The following ARHGAP8 variants were observed in gnomAD, a reference collection of about 807,000 sequenced individuals.
ARHGAP8 encodes rho GTPase-activating protein 8.
In ARHGAP8, 62 loss-of-function variants were observed where a neutral mutation model predicts 46.1. The observed-to-expected ratio is 1.34, with a 90% CI of 1.10 to 1.66. The LOEUF is 1.66. Among genes scored for constraint, ARHGAP8 ranks in the 40% most tolerant of loss-of-function variants. The pLI is 0.00. For missense variants in ARHGAP8, 923 were observed against 568.4 expected (o/e 1.62, Z -6.34); for synonymous variants, 375 against 243.1 (o/e 1.54, Z -5.05).
In ARHGAP8 at chr22:44,859,813, C is replaced by T. The variant is rs140715563; in HGVS notation, c.960C>T (p.Tyr320=). The change falls in exon 11 of 12, where the codon TAC becomes TAT. Residue 320 remains tyrosine (Y), a synonymous_variant. Coordinates refer to ENST00000356099, the MANE Select transcript of ARHGAP8 (RefSeq NM_181335.3). ...LPEHNYVVLR[Y]LMGFLHAVSR... is the part of the protein sequence containing the mutation. Reference sequence around the variant, plus strand: ...AGCACAACTACGTCGTCCTCCGCTACCTCATGGGCTTCCTGCATGCGGTGA... The same window carrying T: ...AGCACAACTACGTCGTCCTCCGCTATCTCATGGGCTTCCTGCATGCGGTGA... 69 of 1,613,994 alleles carry T rather than the reference C, an allele frequency of 4.3e-5. 1 individual carries two copies. The African/African-American group carries it at 6.7e-4, about 16-fold the overall frequency.
chr22:44,859,967 T>TG (rs1569187198), intron 11 of ARHGAP8, 133 bp downstream of exon 11: 7 of 1,092,874 alleles, frequency 6.4e-6, no homozygotes, highest in Non-Finnish European at 7.7e-6. Context: ...TACCACTCCC[T>TG]GCCCCCCAAG....
chr22:44,783,178 A>C lies in ARHGAP8; in HGVS notation c.-71-3279A>C, dbSNP rs372104913. ...GCTGGTCTCGAACTCCTGACCTTGCATGAAGCCCAAGTCCTCCCCACGTTC... is the reference window on the plus strand; with the variant it reads ...GCTGGTCTCGAACTCCTGACCTTGCCTGAAGCCCAAGTCCTCCCCACGTTC... On this transcript the variant is annotated intron_variant, in intron 1 of 11. Coordinates refer to ENST00000356099, the MANE Select transcript of ARHGAP8 (RefSeq NM_181335.3). 2.6e-5 allele frequency among the ~76,000 whole-genome samples: 4 copies of C among 151,966 alleles called. No homozygotes were observed. In the East Asian group the frequency reaches 7.8e-4, roughly 30 times the overall value.
At chr22:44,790,416 C>T (rs914284081) in intron 2 of ARHGAP8, among the ~76,000 whole-genome samples, 2 of 152,062 alleles carry the variant, frequency 1.3e-5, no homozygotes. Flanking sequence ...TGGTTCATGC[C>T]TGTAATCCCA....
chr22:44,841,690 C>G (rs2285122), intron 7 of ARHGAP8, among the ~76,000 whole-genome samples: 12,116 of 152,282 alleles, frequency 0.08, 722 homozygotes, highest in East Asian at 0.28. Flanking sequence ...CTCCATGTAC[C>G]TGCATTTTGG....
chr22:44,858,344 G>T (rs1358049814), intron 10 of ARHGAP8, among the ~76,000 whole-genome samples: 1 of 149,520 alleles, frequency 6.7e-6, no homozygotes, highest in Non-Finnish European at 1.5e-5. Flanking sequence ...GCGGGAACTT[G>T]GTGAATACTT....
intron 2 of ARHGAP8, among the ~76,000 whole-genome samples, chr22:44,795,150 TCA>T (rs1295298570): frequency 6.6e-6 from 1 of 152,070 alleles, no homozygotes; most frequent in African/African-American, 2.4e-5. Context: ...CAGCTCACTC[TCA>T]GAGTTCAGTA....
At chr22:44,814,856 C>A (rs968067450) in intron 5 of ARHGAP8, 98 bp downstream of exon 5, 4 of 1,398,916 alleles carry the variant, frequency 2.9e-6, no homozygotes, top group South Asian at 1.3e-5. Context: ...ATGGAGGGCC[C>A]GTCTCCAGGG....
intron 5 of ARHGAP8, among the ~76,000 whole-genome samples, chr22:44,822,092 C>T (rs1930192941): frequency 6.6e-6 from 1 of 152,192 alleles, no homozygotes; most frequent in Admixed American, 6.5e-5. Context: ...CTCCTATATG[C>T]AAATTCAGGG....
At chr22:44,811,856 G>T (rs1424895280) in intron 4 of ARHGAP8, among the ~76,000 whole-genome samples, 2 of 152,022 alleles carry the variant, frequency 1.3e-5, no homozygotes, top group Admixed American at 6.6e-5. Flanking sequence ...AATTAGCCAG[G>T]CGTGGTGGTG....
chr22:44,858,533 C>CATTT (rs2070310337), intron 10 of ARHGAP8, among the ~76,000 whole-genome samples: 1 of 89,784 alleles, frequency 1.1e-5, no homozygotes, highest in African/African-American at 4.6e-5. Context: ...CCATACCCGG[C>CATTT]TTTTTTTTTT....
intron 4 of ARHGAP8, among the ~76,000 whole-genome samples, chr22:44,814,120 A>G (rs530549160): frequency 1.3e-5 from 2 of 152,344 alleles, no homozygotes; most frequent in African/African-American, 4.8e-5. Flanking sequence ...TTGGGCTGAA[A>G]TATTCAAGAA....
chr22:44,857,976 C>T (rs1228438004), intron 10 of ARHGAP8, among the ~76,000 whole-genome samples: 5 of 152,164 alleles, frequency 3.3e-5, no homozygotes, highest in African/African-American at 4.8e-5. Flanking sequence ...CCAGTACCCA[C>T]TTGGGACCAT....
At chr22:44,769,422 G>GT (rs11452702) in intron 1 of ARHGAP8, among the ~76,000 whole-genome samples, 21,508 of 152,004 alleles carry the variant, frequency 0.14, 1,922 homozygotes, top group Non-Finnish European at 0.21. Flanking sequence ...TTTTGCAATT[G>GT]TTTTTGCCAT....
At chr22:44,846,364 G>A (rs917129593) in intron 8 of ARHGAP8, among the ~76,000 whole-genome samples, 10 of 152,212 alleles carry the variant, frequency 6.6e-5, no homozygotes, top group Non-Finnish European at 1.5e-4. Flanking sequence ...GGCCTGGAGA[G>A]CCCCTCCTCA....
chr22:44,856,432 C>G (rs1476157717), intron 10 of ARHGAP8, among the ~76,000 whole-genome samples: 2 of 152,054 alleles, frequency 1.3e-5, no homozygotes, highest in Admixed American at 6.6e-5. Flanking sequence ...CGCCACCACG[C>G]CTGGCTAATT....
At chr22:44,806,667 C>T (rs1005319823) in intron 3 of ARHGAP8, among the ~76,000 whole-genome samples, 5 of 152,162 alleles carry the variant, frequency 3.3e-5, no homozygotes, top group East Asian at 1.9e-4. Context: ...AGAAATCAAA[C>T]GCACAGGCCG....
At chr22:44,766,931 G>C (rs562482025) in intron 1 of ARHGAP8, among the ~76,000 whole-genome samples, 1 of 152,242 alleles carries the variant, frequency 6.6e-6, no homozygotes, top group Non-Finnish European at 1.5e-5. Flanking sequence ...CGCAGGTGGA[G>C]TGAGGAGGCT....
At chr22:44,774,010 T>G (rs1469625022) in intron 1 of ARHGAP8, among the ~76,000 whole-genome samples, 3 of 152,342 alleles carry the variant, frequency 2.0e-5, no homozygotes, top group African/African-American at 7.2e-5. Context: ...ATCCTTATAT[T>G]CTCTCTATGA....
intron 5 of ARHGAP8, among the ~76,000 whole-genome samples, chr22:44,821,648 C>A (rs1200724375): frequency 6.6e-6 from 1 of 152,230 alleles, no homozygotes; most frequent in African/African-American, 2.4e-5. Flanking sequence ...GCAGTCGTCA[C>A]AGCGAGCATG....
Sources: gnomAD v4.1 joint callset for allele counts (sites outside exome capture counted in the v4.1 genomes callset) on GRCh38, gnomAD v4.1.1 for gene constraint, MANE v1.5 for transcripts, NCBI Gene and HGNC (gene_info 2026-07-23, HGNC 2026-07-21) for gene names.